Variants in ESD observed in about 807,000 individuals in gnomAD.
The protein encoded by ESD is S-formylglutathione hydrolase.
Under a neutral mutation model 38.1 loss-of-function variants are expected in ESD, and 34 were observed. That is an observed-to-expected ratio of 0.89 (90% CI 0.68 to 1.19). The LOEUF (loss-of-function observed/expected upper bound fraction) is 1.19, where lower values mean the gene tolerates loss of function less well. ESD is among the 50% of genes most tolerant of loss of function. ESD has a pLI of 0.00. For synonymous variants in ESD, 97 were observed against 107.0 expected, an observed-to-expected ratio of 0.91 and a Z score of 0.58; for missense variants, 334 against 327.2, an observed-to-expected ratio of 1.02 and a Z score of -0.16.
At chr13:46,776,196 A>G (rs1445259345) in intron 9 of ESD, 1 of 153,406 alleles carries the variant, frequency 6.5e-6, no homozygotes, top group African/African-American at 2.4e-5. Flanking sequence ...GTTCAAATAA[A>G]TCTAAAACAA....
chr13:46,774,819 A>G (rs546846792), intron 9 of ESD, among the ~76,000 whole-genome samples: 10 of 152,166 alleles, frequency 6.6e-5, no homozygotes, highest in Non-Finnish European at 1.0e-4. Flanking sequence ...ACAAGTATTG[A>G]GAGTCTCTGT....
chr13:46,790,008 A>ATATATATTTT (rs1555293852), intron 3 of ESD, among the ~76,000 whole-genome samples: 1 of 136,050 alleles, frequency 7.4e-6, no homozygotes, highest in Admixed American at 7.4e-5. Context: ...ATATATATAT[A>ATATATATTTT]TTTTTTTTTT....
At chr13:46,772,141 G>A (rs1032487144) in intron 9 of ESD, among the ~76,000 whole-genome samples, 1 of 152,148 alleles carries the variant, frequency 6.6e-6, no homozygotes, top group Admixed American at 6.5e-5. Flanking sequence ...CACAGTAAAA[G>A]CATGTTGTAT....
At chr13:46,796,556 A>C (rs1875584462) in intron 1 of ESD, among the ~76,000 whole-genome samples, 1 of 152,182 alleles carries the variant, frequency 6.6e-6, no homozygotes, top group Non-Finnish European at 1.5e-5. Flanking sequence ...AGAGCATTTT[A>C]CGACCCGAAC....
intron 4 of ESD, among the ~76,000 whole-genome samples, chr13:46,784,679 T>A (rs2138295910): frequency 6.6e-6 from 1 of 152,156 alleles, no homozygotes; most frequent in South Asian, 2.1e-4. Context: ...TCATTTGGTA[T>A]TATTATTTTT....
chr13:46,774,988 T>C (rs1341748), intron 9 of ESD, among the ~76,000 whole-genome samples: 16,638 of 152,100 alleles, frequency 0.11, 1,233 homozygotes, highest in East Asian at 0.39. Flanking sequence ...CTTAAGGAGG[T>C]AGTATAGCCT....
chr13:46,792,812 G>C (rs913420478), intron 2 of ESD, among the ~76,000 whole-genome samples: 1 of 151,922 alleles, frequency 6.6e-6, no homozygotes, highest in Admixed American at 6.6e-5. Context: ...AACTTATAGA[G>C]AGAGATACTA....
At chr13:46,773,136 C>T (rs1006990304) in intron 9 of ESD, among the ~76,000 whole-genome samples, 5 of 152,140 alleles carry the variant, frequency 3.3e-5, no homozygotes, top group Non-Finnish European at 4.4e-5. Flanking sequence ...TTTAGTCTAT[C>T]ACCGATGGGT....
At chr13:46,791,292 ACAAAATAATC>A in intron 3 of ESD, 44 bp downstream of exon 3, 3 of 1,351,868 alleles carry the variant, frequency 2.2e-6, no homozygotes, top group Non-Finnish European at 3.1e-6. Context: ...TTAAAATAGA[ACAAAATAATC>A]CAACAGAATG....
Position 46,779,928 on chromosome 13 carries a change from T to G in ESD, c.600+7A>C, listed in dbSNP as rs189235653. 9.0e-3 allele frequency: 14,404 copies of G among 1,591,962 alleles called. 210 individuals are homozygous for G. Among genetic ancestry groups the G allele is most frequent in the South Asian group, 0.051 (4,577 of 89,894 alleles). On this transcript the variant is annotated splice_region_variant and intron_variant, in intron 8 of 9. Coordinates refer to ENST00000378720, the MANE Select transcript of ESD (RefSeq NM_001984.2). The stretch of plus-strand genomic sequence containing the variant: ...AATGAGTATTAAGACAGCCATTCAG[T>G]ACCTACCTTCCATTTACTTTGATCT...
chr13:46,797,574 C>A (rs1875638188), upstream of ESD, among the ~76,000 whole-genome samples: 1 of 152,244 alleles, frequency 6.6e-6, no homozygotes, highest in Admixed American at 6.5e-5. Context: ...CTCAACTCCT[C>A]TGTCCCAAGA....
At chr13:46,774,529 G>T (rs1363130163) in intron 9 of ESD, among the ~76,000 whole-genome samples, 1 of 152,102 alleles carries the variant, frequency 6.6e-6, no homozygotes, top group Non-Finnish European at 1.5e-5. Flanking sequence ...ACTTGAAGGG[G>T]ACTTTTCTCC....
chr13:46,777,655 A>C lies in ESD; in HGVS notation c.601-32T>G, dbSNP rs780955943. ...AAAGAGAAGTAACATTGAAAAATAA[A>C]TTCAAAGATACTCTTCAGGATATAC... On this transcript the variant is annotated intron_variant, in intron 8 of 9. Transcript: ENST00000378720. 1.1e-5 allele frequency: 17 copies of C among 1,543,428 alleles called. No homozygotes were observed. In the Admixed American group the frequency reaches 3.1e-4, roughly 28 times the overall value.
chr13:46,794,013 A>G (rs569360873), intron 1 of ESD, among the ~76,000 whole-genome samples: 1 of 152,346 alleles, frequency 6.6e-6, no homozygotes, highest in South Asian at 2.1e-4. Context: ...CATAGTATAT[A>G]TCATGTCACT....
rs148120626 is a variant in ESD at position 46,784,270 on chromosome 13, C to A, written c.238G>T (p.Ala80Ser). ...SASEHGLVVI[A>S]PDTSPRGCNI... ...CACTTACGAGGGCTGGTATCTGGAG[C>A]AATGACAACAAGACCATGTTCTGAA... The change falls in exon 5 of 10, where the codon GCT becomes TCT. Residue 80 changes from alanine (A) to serine (S), a missense_variant. Transcript: ENST00000378720. 1 of 1,611,628 alleles carries A rather than the reference C, an allele frequency of 6.2e-7. No homozygotes were observed. Among genetic ancestry groups the A allele is most frequent in the African/African-American group, 1.3e-5 (1 of 74,894 alleles).
chr13:46,791,293 C>T, intron 3 of ESD, 53 bp downstream of exon 3: 7 of 1,356,568 alleles, frequency 5.2e-6, no homozygotes, highest in Non-Finnish European at 7.3e-6. Context: ...TAAAATAGAA[C>T]AAAATAATCC....
chr13:46,784,201 G>C, intron 5 of ESD, 51 bp downstream of exon 5: 1 of 1,409,338 alleles, frequency 7.1e-7, no homozygotes, highest in East Asian at 2.3e-5. Flanking sequence ...CTTTATACCA[G>C]TCTTAAAGAT....
intron 4 of ESD, among the ~76,000 whole-genome samples, chr13:46,786,074 C>T (rs756093226): frequency 2.6e-5 from 4 of 151,962 alleles, no homozygotes; most frequent in East Asian, 1.9e-4. Flanking sequence ...TTTAGCTATA[C>T]AATATTATAT....
chr13:46,782,574 C>G, intron 6 of ESD, 93 bp downstream of exon 6: 1 of 1,386,950 alleles, frequency 7.2e-7, no homozygotes, highest in South Asian at 1.4e-5. Context: ...CTTTTATACC[C>G]TAGTTTAAAA....
Sources: gnomAD v4.1 joint callset for allele counts (sites outside exome capture counted in the v4.1 genomes callset) on GRCh38, gnomAD v4.1.1 for gene constraint, MANE v1.5 for transcripts, NCBI Gene and HGNC (gene_info 2026-07-23, HGNC 2026-07-21) for gene names.